Variants in ATP8B4 observed in about 807,000 individuals in gnomAD.
ATP8B4 encodes the protein ATPase phospholipid transporting 8B4 (putative), also known as probable phospholipid-transporting ATPase IM.
Under a neutral mutation model 145.6 loss-of-function variants are expected in ATP8B4, and 133 were observed. The ratio of observed to expected loss-of-function variants is 0.91; its 90% CI spans 0.79 to 1.05. The LOEUF is 1.05. ATP8B4 is among the 50% of genes least tolerant of loss of function. ATP8B4 has a pLI of 0.00. For synonymous variants in ATP8B4, 507 were observed against 492.9 expected (o/e 1.03, Z -0.38); for missense variants, 1,458 against 1,425.2 (o/e 1.02, Z -0.37).
intron 1 of ATP8B4, among the ~76,000 whole-genome samples, chr15:50,112,633 A>G (rs1408073852): frequency 2.0e-5 from 3 of 152,114 alleles, no homozygotes; most frequent in East Asian, 1.9e-4. Context: ...TCTATCTAGC[A>G]TTACTTTGAG....
intron 4 of ATP8B4, among the ~76,000 whole-genome samples, chr15:50,046,297 CT>C (rs1712120000): frequency 6.6e-6 from 1 of 152,156 alleles, no homozygotes; most frequent in Admixed American, 6.5e-5. Context: ...CCCCCTCCCC[CT>C]CTCTGCCCCA....
chr15:50,058,001 A>AAG (rs143919023), intron 3 of ATP8B4, among the ~76,000 whole-genome samples: 6 of 151,644 alleles, frequency 4.0e-5, no homozygotes, highest in Non-Finnish European at 5.9e-5. Context: ...TACAGACAGA[A>AAG]AGAGAGAGAG....
chr15:49,945,218 A>T (rs1444305804), intron 14 of ATP8B4, among the ~76,000 whole-genome samples: 2 of 152,176 alleles, frequency 1.3e-5, no homozygotes, highest in African/African-American at 2.4e-5. Context: ...GAGAATCTTA[A>T]GAGACTTACG....
intron 1 of ATP8B4, among the ~76,000 whole-genome samples, chr15:50,134,219 G>T (rs1439520463): frequency 6.6e-6 from 1 of 151,820 alleles, no homozygotes; most frequent in Non-Finnish European, 1.5e-5. Flanking sequence ...ACTGTCAAAA[G>T]TAAAAATAAA....
Position 50,167,479 on chromosome 15 carries a change from C to G in ATP8B4, c.-43+14782G>C, listed in dbSNP as rs569864693. ...GCCTTCTCTTCTCTGTCTCTTTTCT[C>G]TTCTAAGGACATCTGTCATTGAATT... is the stretch of plus-strand genomic sequence containing the variant. On this transcript the variant is annotated intron_variant, in intron 1 of 3. Coordinates refer to the ATP8B4 transcript ENST00000558829. Among the ~76,000 whole-genome samples, 5 of 152,288 alleles carry G rather than the reference C, an allele frequency of 3.3e-5. No individual in the cohort carries two copies. In the South Asian group the frequency reaches 1.0e-3, roughly 32 times the overall value.
At chr15:50,174,225 A>G (rs1264653280) in intron 1 of ATP8B4, among the ~76,000 whole-genome samples, 1 of 152,152 alleles carries the variant, frequency 6.6e-6, no homozygotes, top group African/African-American at 2.4e-5. Context: ...TCCCTCTGAG[A>G]ACTGGAACAA....
chr15:49,928,428 G>A (rs2040931154), intron 16 of ATP8B4, among the ~76,000 whole-genome samples: 1 of 152,004 alleles, frequency 6.6e-6, no homozygotes, highest in Non-Finnish European at 1.5e-5. Flanking sequence ...GGGATGGTGA[G>A]GTCTAGTTGA....
intron 1 of ATP8B4, among the ~76,000 whole-genome samples, chr15:50,138,575 T>C (rs1176329146): frequency 2.6e-5 from 4 of 152,130 alleles, no homozygotes; most frequent in African/African-American, 9.7e-5. Flanking sequence ...AATATCCTAA[T>C]AGGCATCATC....
At chr15:50,078,712 A>C (rs1322503198) in intron 2 of ATP8B4, among the ~76,000 whole-genome samples, 1 of 152,130 alleles carries the variant, frequency 6.6e-6, no homozygotes, top group Non-Finnish European at 1.5e-5. Flanking sequence ...AACCTTCATA[A>C]AATTTTGAGC....
chr15:50,130,134 C>T (rs563371454), intron 1 of ATP8B4, among the ~76,000 whole-genome samples: 5 of 152,222 alleles, frequency 3.3e-5, no homozygotes, highest in East Asian at 1.9e-4. Context: ...CCTTTCCCTG[C>T]CTTGTTTACC....
At chr15:49,971,256 C>G (rs993612300) in intron 13 of ATP8B4, among the ~76,000 whole-genome samples, 1 of 152,150 alleles carries the variant, frequency 6.6e-6, no homozygotes, top group Non-Finnish European at 1.5e-5. Context: ...CAACGAAAGC[C>G]AAAATTGACA....
intron 6 of ATP8B4, among the ~76,000 whole-genome samples, chr15:50,016,673 T>C (rs924027497): frequency 3.3e-5 from 5 of 152,120 alleles, no homozygotes; most frequent in Non-Finnish European, 5.9e-5. Flanking sequence ...GATTCAGTCA[T>C]TGGATGCAGG....
intron 13 of ATP8B4, among the ~76,000 whole-genome samples, chr15:49,963,224 C>T (rs943296234): frequency 6.6e-6 from 1 of 152,062 alleles, no homozygotes; most frequent in Non-Finnish European, 1.5e-5. Flanking sequence ...AATGAGAAAC[C>T]ACCTCACGCC....
intron 2 of ATP8B4, among the ~76,000 whole-genome samples, chr15:50,078,412 C>G (rs2054326556): frequency 6.6e-6 from 1 of 151,704 alleles, no homozygotes; most frequent in Non-Finnish European, 1.5e-5. Context: ...ACAAAGAAAA[C>G]AGAGAACAAG....
chr15:49,985,748 G>A (rs552353122), intron 10 of ATP8B4, among the ~76,000 whole-genome samples: 1 of 152,096 alleles, frequency 6.6e-6, no homozygotes, highest in Non-Finnish European at 1.5e-5. Flanking sequence ...CAGGCTGGGT[G>A]CTCTGAATTA....
chr15:50,089,806 A>G (rs2055479619), intron 2 of ATP8B4, among the ~76,000 whole-genome samples: 1 of 152,110 alleles, frequency 6.6e-6, no homozygotes, highest in Non-Finnish European at 1.5e-5. Flanking sequence ...CAGTATGGCG[A>G]TTCCTCAAAG....
intron 6 of ATP8B4, among the ~76,000 whole-genome samples, chr15:50,013,659 A>G (rs1225070437): frequency 6.6e-6 from 1 of 152,164 alleles, no homozygotes; most frequent in Admixed American, 6.5e-5. Context: ...AATTCATAAA[A>G]TTTAGATTCC....
intron 1 of ATP8B4, among the ~76,000 whole-genome samples, chr15:50,131,648 A>C (rs2044048820): frequency 6.6e-6 from 1 of 151,898 alleles, no homozygotes; most frequent in South Asian, 2.1e-4. Context: ...ATATCTTATA[A>C]TCAAATGTTT....
intron 7 of ATP8B4, among the ~76,000 whole-genome samples, chr15:50,003,295 T>TGTACA (rs1567179361): frequency 6.6e-6 from 1 of 151,758 alleles, no homozygotes; most frequent in Non-Finnish European, 1.5e-5. Context: ...TGTGTGTGTG[T>TGTACA]GTGTGTGTGT....
Sources: gnomAD v4.1 joint callset for allele counts (sites outside exome capture counted in the v4.1 genomes callset) on GRCh38, gnomAD v4.1.1 for gene constraint, MANE v1.5 for transcripts, NCBI Gene and HGNC (gene_info 2026-07-23, HGNC 2026-07-21) for gene names.